The following MDM1 variants were observed in gnomAD, a reference collection of about 807,000 sequenced individuals.
MDM1 encodes the protein Mdm1 nuclear protein.
Under a neutral mutation model 89.1 loss-of-function variants are expected in MDM1, and 61 were observed. The observed-to-expected ratio is 0.68, with a 90% CI of 0.56 to 0.85. The LOEUF (loss-of-function observed/expected upper bound fraction) is 0.85. Ranked by LOEUF, MDM1 falls within the 40% of genes least tolerant of loss-of-function variation. MDM1 has a pLI of 0.00. For missense variants in MDM1, 820 were observed against 846.5 expected (o/e 0.97, Z 0.39); for synonymous variants, 290 against 294.1 (o/e 0.99, Z 0.14).
chr12:68,330,871 A>G, intron 2 of MDM1: 1 of 494,572 alleles, frequency 2.0e-6, no homozygotes, highest in Non-Finnish European at 3.6e-6. Context: ...GTTGTGATGG[A>G]GGCCTCCATT....
chr12:68,329,170 G>C (rs1025570783), intron 2 of MDM1, among the ~76,000 whole-genome samples: 8 of 152,090 alleles, frequency 5.3e-5, no homozygotes, highest in African/African-American at 1.7e-4. Context: ...TGGAATTTCT[G>C]GTCATTTGTA....
chr12:68,331,073 C>T (rs747282556), intron 2 of MDM1, 34 bp downstream of exon 2: 58 of 1,226,350 alleles, frequency 4.7e-5, no homozygotes, highest in Non-Finnish European at 5.4e-5. Flanking sequence ...AAACTTAGCC[C>T]AGGTTAGAAT....
rs1419721904 is a variant in MDM1, at chr12:68,325,832, A to C, written c.499-257T>G. 3 of 1,105,934 alleles carry C rather than the reference A, an allele frequency of 2.7e-6. No individual in the cohort carries two copies. The East Asian group carries it at 1.6e-4, about 60-fold the overall frequency. 68.5% of individuals were successfully genotyped at this position (1,105,934 alleles called of 1,614,324 possible). A position where few individuals can be genotyped will look rare whatever the true frequency, so the allele number is the denominator to read the frequency against. On this transcript the variant is annotated intron_variant, in intron 3 of 14. Coordinates refer to ENST00000682720, the MANE Select transcript of MDM1 (RefSeq NM_001354969.2). ...TATTAGGCATCCCAGGAAAAATATA[A>C]TACTCTCAGTCCTTTCCTACTAATC...
At chr12:68,298,881 C>T (rs1871768781) in intron 13 of MDM1, among the ~76,000 whole-genome samples, 1 of 152,090 alleles carries the variant, frequency 6.6e-6, no homozygotes, top group Non-Finnish European at 1.5e-5. Context: ...AAAGTACACA[C>T]CACAGGGGAA....
rs1344742991 is a variant in MDM1 at position 68,302,891 on chromosome 12, A to T, written c.1750-19T>A. On this transcript the variant is annotated intron_variant, in intron 12 of 14. Coordinates refer to ENST00000682720, the MANE Select transcript of MDM1 (RefSeq NM_001354969.2). ...TTTCTTTCTAAATGACAAAAAAAAA[A>T]AAAAAAAAAAGATGCCTATGTGTAG... 6.5e-7 allele frequency: 1 copy of T among 1,545,942 alleles called. No homozygotes were observed. Among genetic ancestry groups the T allele is most frequent in the Non-Finnish European group, 8.7e-7 (1 of 1,155,448 alleles).
At chr12:68,320,523 C>G (rs1298349841) in intron 7 of MDM1, among the ~76,000 whole-genome samples, 2 of 152,180 alleles carry the variant, frequency 1.3e-5, no homozygotes, top group South Asian at 4.1e-4. Flanking sequence ...TCAGCGCACC[C>G]GAGCACCAGC....
chr12:68,301,466 A>C (rs1279291603), intron 13 of MDM1, among the ~76,000 whole-genome samples: 1 of 152,184 alleles, frequency 6.6e-6, no homozygotes, highest in East Asian at 1.9e-4. Context: ...GGGGTGGGGG[A>C]AGGGATAAAA....
chr12:68,324,698 A>C (rs1044757525), intron 4 of MDM1, among the ~76,000 whole-genome samples: 1 of 152,212 alleles, frequency 6.6e-6, no homozygotes, highest in Non-Finnish European at 1.5e-5. Flanking sequence ...CACGAAGACC[A>C]GAAGAAAAAA....
intron 13 of MDM1, among the ~76,000 whole-genome samples, chr12:68,301,374 C>T (rs1224708588): frequency 6.6e-6 from 1 of 152,150 alleles, no homozygotes; most frequent in Non-Finnish European, 1.5e-5. Context: ...AAATCAAATA[C>T]TGCATGTTCT....
intron 12 of MDM1, among the ~76,000 whole-genome samples, chr12:68,307,455 C>T (rs572412210): frequency 4.7e-4 from 71 of 152,132 alleles, no homozygotes; most frequent in African/African-American, 1.7e-3. Flanking sequence ...GGCAACACAG[C>T]GAGATCCCCA....
chr12:68,321,702 G>A, intron 5 of MDM1, 74 bp from the exon 6 acceptor site: 1 of 879,924 alleles, frequency 1.1e-6, no homozygotes, highest in Non-Finnish European at 1.8e-6. Flanking sequence ...ATGTTATAAA[G>A]TTAGACTTGA....
chr12:68,307,215 A>G (rs1235574567), intron 12 of MDM1, among the ~76,000 whole-genome samples: 1 of 152,250 alleles, frequency 6.6e-6, no homozygotes, highest in Non-Finnish European at 1.5e-5. Flanking sequence ...GGGGTGCAAG[A>G]GTTGAAAACC....
At chr12:68,324,649 G>GT (rs1875700803) in intron 4 of MDM1, among the ~76,000 whole-genome samples, 1 of 152,118 alleles carries the variant, frequency 6.6e-6, no homozygotes, top group African/African-American at 2.4e-5. Context: ...GAAAATGAAT[G>GT]TGAGGGTGTG....
rs762554923 is a variant in MDM1, at chr12:68,332,278, C to G, written c.-33G>C. 1.3e-6 allele frequency: 2 copies of G among 1,578,840 alleles called. No individual in the cohort carries two copies. Among genetic ancestry groups the G allele is most frequent in the Non-Finnish European group, 1.7e-6 (2 of 1,163,228 alleles). On this transcript the variant is annotated 5_prime_UTR_variant, in exon 1 of 15. Transcript: ENST00000682720. Reference sequence around the variant, plus strand: ...GGCGCCGGAGCCCCCGCTACTCCGACAGTTAACTGGAGAAAAAGCTCCGAG... The same window carrying G: ...GGCGCCGGAGCCCCCGCTACTCCGAGAGTTAACTGGAGAAAAAGCTCCGAG...
chr12:68,327,010 C>G lies in MDM1; in HGVS notation c.145G>C (p.Glu49Gln). ...CTTCTTTTTGAAATAAAACTTGGCT[C>G]TTTCGTGATGCCTACAAAACACGGT... The part of the protein sequence containing the change: ...LRSDQLGITK[E>Q]PSFISKRRVP... The change falls in exon 3 of 15, where the codon GAG becomes CAG. Residue 49 changes from glutamate (E) to glutamine (Q), a missense_variant. Transcript: ENST00000682720. 6.3e-7 allele frequency: 1 copy of G among 1,593,784 alleles called. No individual in the cohort carries two copies. The highest frequency in any genetic ancestry group is 8.5e-7 in the Non-Finnish European group (1 of 1,173,870).
intron 2 of MDM1, 113 bp from the exon 3 acceptor site, chr12:68,327,134 G>A: frequency 7.0e-7 from 1 of 1,423,928 alleles, no homozygotes; most frequent in Non-Finnish European, 9.2e-7. Flanking sequence ...TCAGATATAT[G>A]TACCTATATA....
chr12:68,327,565 T>A, intron 2 of MDM1: 2 of 1,475,608 alleles, frequency 1.4e-6, no homozygotes, highest in Non-Finnish European at 1.8e-6. Context: ...ACAATTTCTC[T>A]ATATTTCTGT....
At chr12:68,312,739 T>G (rs1373189621) in intron 12 of MDM1, among the ~76,000 whole-genome samples, 1 of 152,220 alleles carries the variant, frequency 6.6e-6, no homozygotes, top group African/African-American at 2.4e-5. Flanking sequence ...CACCCCATTA[T>G]GTCTCTGAAC....
chr12:68,307,210 G>A (rs961229286), intron 12 of MDM1, among the ~76,000 whole-genome samples: 1 of 152,190 alleles, frequency 6.6e-6, no homozygotes, highest in African/African-American at 2.4e-5. Flanking sequence ...AGGGAGGGGT[G>A]CAAGAGTTGA....
Sources: gnomAD v4.1 joint callset for allele counts (sites outside exome capture counted in the v4.1 genomes callset) on GRCh38, gnomAD v4.1.1 for gene constraint, MANE v1.5 for transcripts, NCBI Gene and HGNC (gene_info 2026-07-23, HGNC 2026-07-21) for gene names.